The following SSBP2 variants were observed in gnomAD, a reference collection of about 807,000 sequenced individuals.
SSBP2 encodes the protein single-stranded DNA-binding protein 2.
In SSBP2, 17 loss-of-function variants were observed where a neutral mutation model predicts 61.8. The ratio of observed to expected loss-of-function variants is 0.28; its 90% CI spans 0.19 to 0.41. The LOEUF (loss-of-function observed/expected upper bound fraction) is 0.41. SSBP2 is among the 10% of genes least tolerant of loss of function. The pLI, the probability that SSBP2 is intolerant of heterozygous loss-of-function variation, is 1.00. For missense variants in SSBP2, 310 were observed against 458.7 expected (o/e 0.68, Z 2.96); for synonymous variants, 139 against 141.3 (o/e 0.98, Z 0.12).
At chr5:81,679,548 T>C (rs1041673644) in intron 1 of SSBP2, among the ~76,000 whole-genome samples, 2 of 152,202 alleles carry the variant, frequency 1.3e-5, no homozygotes, top group African/African-American at 4.8e-5. Context: ...TAAAAATGTA[T>C]ATTTCAAACT....
chr5:81,592,776 T>G (rs985209515), intron 4 of SSBP2, among the ~76,000 whole-genome samples: 2 of 152,194 alleles, frequency 1.3e-5, no homozygotes, highest in Non-Finnish European at 2.9e-5. Flanking sequence ...CTGCAGCTGA[T>G]GGTCCTGTCT....
chr5:81,691,613 T>G (rs1753206367), intron 1 of SSBP2, among the ~76,000 whole-genome samples: 3 of 151,548 alleles, frequency 2.0e-5, no homozygotes, highest in Admixed American at 2.0e-4. Flanking sequence ...TTAACTTCAC[T>G]GCTGAATTCT....
chr5:81,750,878 G>A (rs970390001), intron 1 of SSBP2, 103 bp downstream of exon 1: 1 of 1,251,290 alleles, frequency 8.0e-7, no homozygotes, highest in Non-Finnish European at 1.1e-6. Flanking sequence ...CACCCCCGGC[G>A]CTCCCCGGGC....
chr5:81,609,065 G>C (rs1318332658), intron 4 of SSBP2, among the ~76,000 whole-genome samples: 1 of 152,110 alleles, frequency 6.6e-6, no homozygotes, highest in Non-Finnish European at 1.5e-5. Flanking sequence ...AGAGAAGGAG[G>C]CCAAGAACCT....
chr5:81,583,641 A>G (rs985848601), intron 4 of SSBP2, among the ~76,000 whole-genome samples: 1 of 151,916 alleles, frequency 6.6e-6, no homozygotes, highest in African/African-American at 2.4e-5. Flanking sequence ...AAAAAAAAAA[A>G]AAAAAAAGTA....
At chr5:81,428,733 C>T (rs1286355808) in intron 15 of SSBP2, 50 bp from the exon 16 acceptor site, 3 of 1,338,042 alleles carry the variant, frequency 2.2e-6, no homozygotes, top group Non-Finnish European at 3.2e-6. Flanking sequence ...TTTAATTTCC[C>T]TCTTGCACTG....
chr5:81,455,173 C>A (rs1014093925), intron 10 of SSBP2, among the ~76,000 whole-genome samples: 58 of 149,368 alleles, frequency 3.9e-4, no homozygotes, highest in African/African-American at 1.3e-3. Context: ...CAAAAAAAAA[C>A]AAAAAACAAA....
chr5:81,514,817 T>A lies in SSBP2; in HGVS notation c.283-1100A>T, dbSNP rs182289191. ...TATGTTTATTTTATAGTACTGACAGTTGTTAATAATTAAGGCCAATGATTT... is the reference window on the plus strand; with the variant it reads ...TATGTTTATTTTATAGTACTGACAGATGTTAATAATTAAGGCCAATGATTT... On this transcript the variant is annotated intron_variant, in intron 4 of 16. Coordinates refer to ENST00000320672, the MANE Select transcript of SSBP2 (RefSeq NM_012446.5). 3.6e-3 allele frequency among the ~76,000 whole-genome samples: 545 copies of A among 152,146 alleles called. 4 individuals are homozygous for A. Among genetic ancestry groups the A allele is most frequent in the Non-Finnish European group, 5.9e-3 (400 of 67,904 alleles).
At chr5:81,475,971 A>C (rs1475069862) in intron 6 of SSBP2, among the ~76,000 whole-genome samples, 1 of 152,140 alleles carries the variant, frequency 6.6e-6, no homozygotes, top group African/African-American at 2.4e-5. Context: ...TCACATGTAT[A>C]ATTTCAAACT....
intron 3 of SSBP2, among the ~76,000 whole-genome samples, chr5:81,629,561 T>C (rs1245125738): frequency 6.6e-6 from 1 of 152,178 alleles, no homozygotes; most frequent in Non-Finnish European, 1.5e-5. Context: ...CAATTACCCT[T>C]CTCTCACTCA....
intron 1 of SSBP2, among the ~76,000 whole-genome samples, chr5:81,724,993 T>C (rs1359714255): frequency 6.6e-6 from 1 of 152,182 alleles, no homozygotes; most frequent in African/African-American, 2.4e-5. Context: ...AGAACTTACC[T>C]TTTTAAGTGC....
chr5:81,444,915 G>A (rs1487534568), intron 12 of SSBP2, among the ~76,000 whole-genome samples: 1 of 151,336 alleles, frequency 6.6e-6, no homozygotes, highest in Non-Finnish European at 1.5e-5. Context: ...TTGAGGTTAG[G>A]AGTTCCAGAC....
At chr5:81,472,155 A>G (rs1380726190) in intron 8 of SSBP2, among the ~76,000 whole-genome samples, 2 of 152,208 alleles carry the variant, frequency 1.3e-5, no homozygotes, top group African/African-American at 4.8e-5. Flanking sequence ...AACCAGCTTT[A>G]TGACATGTTA....
At chr5:81,744,558 G>A (rs147047597) in intron 1 of SSBP2, among the ~76,000 whole-genome samples, 71 of 151,070 alleles carry the variant, frequency 4.7e-4, no homozygotes, top group Non-Finnish European at 9.4e-4. Context: ...AGCTATATTC[G>A]TAATTACAAC....
intron 1 of SSBP2, among the ~76,000 whole-genome samples, chr5:81,689,572 G>GAA (rs201338679): frequency 2.3e-5 from 3 of 128,736 alleles, no homozygotes; most frequent in Non-Finnish European, 1.7e-5. Context: ...AAGTGCTAAA[G>GAA]AAAAAAAAAA....
intron 4 of SSBP2, among the ~76,000 whole-genome samples, chr5:81,537,835 A>C (rs1770931440): frequency 6.6e-6 from 1 of 152,124 alleles, no homozygotes. Flanking sequence ...ATTCCCTGAG[A>C]CACAACAATA....
At chr5:81,562,230 A>T (rs1192748734) in intron 4 of SSBP2, among the ~76,000 whole-genome samples, 1 of 152,178 alleles carries the variant, frequency 6.6e-6, no homozygotes, top group Non-Finnish European at 1.5e-5. Context: ...TTCATATAAC[A>T]ATAATGACTA....
intron 6 of SSBP2, among the ~76,000 whole-genome samples, chr5:81,477,516 ATGTATTTATTCAATCAG>A (rs1765671948): frequency 6.6e-6 from 1 of 152,120 alleles, no homozygotes; most frequent in Non-Finnish European, 1.5e-5. Flanking sequence ...CAATACAATT[ATGTATTTATTCAATCAG>A]TGTATTTATT....
chr5:81,590,911 G>A (rs1187187651), intron 4 of SSBP2, among the ~76,000 whole-genome samples: 1 of 152,146 alleles, frequency 6.6e-6, no homozygotes, highest in Non-Finnish European at 1.5e-5. Context: ...CTAACTCTGG[G>A]ATAGGACAGT....
Sources: allele counts gnomAD v4.1 joint callset (sites outside exome capture counted in the v4.1 genomes callset), GRCh38; gene constraint gnomAD v4.1.1; transcripts MANE v1.5; gene names NCBI Gene and HGNC (gene_info 2026-07-23, HGNC 2026-07-21).